GNAI3: variants seen among roughly 807,000 people sequenced by gnomAD.
GNAI3 encodes the protein G protein subunit alpha i3, also known as guanine nucleotide-binding protein G(i) subunit alpha-3.
Under a neutral mutation model 41.8 loss-of-function variants are expected in GNAI3, and 12 were observed. That is an observed-to-expected ratio of 0.29 (90% CI 0.18 to 0.47). The LOEUF (loss-of-function observed/expected upper bound fraction) is 0.47. Ranked by LOEUF, GNAI3 falls within the 20% of genes least tolerant of loss-of-function variation. The pLI, the probability that GNAI3 is intolerant of heterozygous loss-of-function variation, is 1.00. For missense variants in GNAI3, 360 were observed against 429.6 expected, an observed-to-expected ratio of 0.84 and a Z score of 1.43; for synonymous variants, 132 against 146.5, an observed-to-expected ratio of 0.90 and a Z score of 0.71.
chr1:109,551,452 C>T (rs76554972), intron 1 of GNAI3, among the ~76,000 whole-genome samples: 1 of 152,154 alleles, frequency 6.6e-6, no homozygotes, highest in East Asian at 1.9e-4. Flanking sequence ...CCTGTGTCTC[C>T]TGACACATGA....
At chr1:109,585,457 C>T (rs1649012311) in intron 5 of GNAI3, among the ~76,000 whole-genome samples, 1 of 151,954 alleles carries the variant, frequency 6.6e-6, no homozygotes, top group Admixed American at 6.6e-5. Context: ...TTGGTCAAGG[C>T]TGTTTTTTAG....
intron 1 of GNAI3, among the ~76,000 whole-genome samples, chr1:109,549,834 T>A (rs578083015): frequency 5.9e-5 from 9 of 152,376 alleles, no homozygotes; most frequent in East Asian, 3.8e-4. Context: ...TGGCTTTTTT[T>A]AAACACAGTC....
intron 1 of GNAI3, among the ~76,000 whole-genome samples, chr1:109,555,813 G>A (rs1056641423): frequency 2.6e-5 from 4 of 152,132 alleles, no homozygotes; most frequent in African/African-American, 9.7e-5. Flanking sequence ...TTCCTCCCCC[G>A]TGGTGCTGAG....
At position 109,595,588 on chromosome 1, in the gene GNAI3, A is replaced by G. The variant is rs1244497573; in HGVS notation, c.*3266A>G. ...GCTGGTTTTTGTAATTCATTCATTC[A>G]CCCTATATTCTTATATTCTGCTCAT... On this transcript the variant is annotated 3_prime_UTR_variant, in exon 9 of 9. Coordinates refer to ENST00000369851, the MANE Select transcript of GNAI3 (RefSeq NM_006496.4). The G allele has an allele frequency of 6.6e-6, 1 of 151,960 alleles. No homozygotes were observed. Among genetic ancestry groups the G allele is most frequent in the African/African-American group, 2.4e-5 (1 of 41,364 alleles). The allele number at this position is 151,960 out of a possible 1,614,324, so 9.4% of individuals were successfully genotyped here.
intron 1 of GNAI3, among the ~76,000 whole-genome samples, chr1:109,549,650 C>A (rs140106136): frequency 1.3e-5 from 2 of 152,118 alleles, no homozygotes; most frequent in Non-Finnish European, 1.5e-5. Flanking sequence ...TGAATAGTTG[C>A]TATAGATGAT....
chr1:109,579,111 A>C, intron 3 of GNAI3, 93 bp from the exon 4 acceptor site: 1 of 996,886 alleles, frequency 1.0e-6, no homozygotes, highest in East Asian at 2.5e-5. Flanking sequence ...CTCTTTTAAC[A>C]TAACATGTAA....
At chr1:109,552,766 C>T (rs1648012648) in intron 1 of GNAI3, among the ~76,000 whole-genome samples, 1 of 150,940 alleles carries the variant, frequency 6.6e-6, no homozygotes, top group African/African-American at 2.4e-5. Flanking sequence ...TTTTTTTTCA[C>T]CAAGCTCTTT....
At chr1:109,582,640 G>A in intron 5 of GNAI3, 75 bp downstream of exon 5, 1 of 1,055,022 alleles carries the variant, frequency 9.5e-7, no homozygotes. Context: ...TCTTAATCAG[G>A]GTAAAATTTC....
chr1:109,579,391 C>T (rs759917581), intron 4 of GNAI3, 30 bp downstream of exon 4: 3 of 1,549,180 alleles, frequency 1.9e-6, no homozygotes, highest in African/African-American at 1.4e-5. Context: ...GAAACTATAA[C>T]AGAGAATAAC....
Position 109,589,960 on chromosome 1 carries a change from G to A in GNAI3, c.875-2083G>A, listed in dbSNP as rs143643500. On this transcript the variant is annotated intron_variant, in intron 7 of 8. Transcript: ENST00000369851. ...TACACTTTAAAATGGTTAAATATCT[G>A]TTATGTTAATTTTCCTCAATAATTT... 2.4e-4 allele frequency among the ~76,000 whole-genome samples: 36 copies of A among 152,316 alleles called. No homozygotes were observed. In the East Asian group the frequency reaches 6.9e-3, roughly 29 times the overall value.
In GNAI3 at chr1:109,566,129, A is replaced by C. The variant is rs1313201263; in HGVS notation, c.119-7608A>C. ...TCAAAGGGAATAATCTGTGCCAGCC[A>C]CCAGGGTGGAAGTGATAACTGTTCA... On this transcript the variant is annotated intron_variant, in intron 1 of 8. Transcript: ENST00000369851. Among the ~76,000 whole-genome samples the C allele has an allele frequency of 2.6e-5, 4 of 152,350 alleles. No homozygotes were observed. The East Asian group carries it at 7.7e-4, about 29-fold the overall frequency.
intron 7 of GNAI3, among the ~76,000 whole-genome samples, chr1:109,588,618 G>GATAAA (rs1229651341): frequency 6.6e-6 from 1 of 152,050 alleles, no homozygotes. Flanking sequence ...AGTGAGGCTG[G>GATAAA]GTGCAGTGGC....
chr1:109,568,524 T>C (rs1406394636), intron 1 of GNAI3, among the ~76,000 whole-genome samples: 1 of 152,116 alleles, frequency 6.6e-6, no homozygotes, highest in Non-Finnish European at 1.5e-5. Flanking sequence ...CCAGCCTGGG[T>C]GACAGAGCAA....
At chr1:109,557,605 AC>A (rs1204686202) in intron 1 of GNAI3, among the ~76,000 whole-genome samples, 3 of 151,876 alleles carry the variant, frequency 2.0e-5, no homozygotes, top group Non-Finnish European at 4.4e-5. Context: ...GTGATACCCA[AC>A]CCCCACCCTC....
Position 109,598,980 on chromosome 1 carries a change from T to G in GNAI3, c.*6658T>G. ...ACCCAGCATGGCCGGCACACTTTGG[T>G]CTACGGCACATCTCCAAGTATAGAG... On this transcript the variant is annotated 3_prime_UTR_variant, in exon 9 of 9. Coordinates refer to ENST00000369851, the MANE Select transcript of GNAI3 (RefSeq NM_006496.4). 1 of 534,874 alleles carries G rather than the reference T, an allele frequency of 1.9e-6. No homozygotes were observed. The highest frequency in any genetic ancestry group is 3.8e-6 in the Non-Finnish European group (1 of 260,008). The allele number at this position is 534,874 out of a possible 1,614,324, so 33.1% of individuals were successfully genotyped here.
intron 3 of GNAI3, among the ~76,000 whole-genome samples, chr1:109,574,608 TATA>T (rs763322262): frequency 6.6e-6 from 1 of 152,182 alleles, no homozygotes; most frequent in Non-Finnish European, 1.5e-5. Context: ...GTTGTATTAT[TATA>T]ATAATACTTA....
At chr1:109,591,577 G>A (rs753285594) in intron 7 of GNAI3, 18 of 611,404 alleles carry the variant, frequency 2.9e-5, no homozygotes, top group East Asian at 9.0e-5. Flanking sequence ...ATCCTTGCGC[G>A]GGGACTGTGC....
chr1:109,584,084 A>G (rs1648964340), intron 5 of GNAI3, among the ~76,000 whole-genome samples: 1 of 152,130 alleles, frequency 6.6e-6, no homozygotes, highest in African/African-American at 2.4e-5. Flanking sequence ...GATGTTTGTT[A>G]TTATTGCATA....
intron 5 of GNAI3, among the ~76,000 whole-genome samples, chr1:109,584,012 C>T (rs1648962599): frequency 6.6e-6 from 1 of 152,104 alleles, no homozygotes; most frequent in Non-Finnish European, 1.5e-5. Flanking sequence ...TAGGAGTAAA[C>T]TTTTCCCCTT....
Sources: gnomAD v4.1 joint callset for allele counts (sites outside exome capture counted in the v4.1 genomes callset) on GRCh38, gnomAD v4.1.1 for gene constraint, MANE v1.5 for transcripts, NCBI Gene and HGNC (gene_info 2026-07-23, HGNC 2026-07-21) for gene names.